AIG1: variants seen among roughly 807,000 people sequenced by gnomAD.
AIG1 encodes the protein androgen-induced gene 1 protein.
A neutral mutation model predicts 31.4 loss-of-function variants in AIG1; 23 were observed. The observed-to-expected ratio is 0.73, with a 90% CI of 0.53 to 1.04. The LOEUF is 1.04. AIG1 is among the 50% of genes least tolerant of loss of function. The pLI, the probability that AIG1 is intolerant of heterozygous loss-of-function variation, is 0.00. For synonymous variants in AIG1, 100 were observed against 110.5 expected (o/e 0.90, Z 0.60); for missense variants, 274 against 295.0 (o/e 0.93, Z 0.52).
chr6:143,170,519 G>A (rs985321286), intron 3 of AIG1, among the ~76,000 whole-genome samples: 1 of 151,018 alleles, frequency 6.6e-6, no homozygotes, highest in Non-Finnish European at 1.5e-5. Flanking sequence ...ATTTATTTGA[G>A]TCTTCTCTCT....
chr6:143,280,713 G>T lies in AIG1; in HGVS notation c.400-3397G>T, dbSNP rs1379140456. Among the ~76,000 whole-genome samples, 3 of 152,162 alleles carry T rather than the reference G, an allele frequency of 2.0e-5. No individual in the cohort carries two copies. The highest frequency in any genetic ancestry group is 2.9e-5 in the Non-Finnish European group (2 of 68,030). ...AAAGAAGGAAATAACAGACACTGGG[G>T]TCTACTTGAGGGGGAGGTTGGGAGG... is the stretch of plus-strand genomic sequence containing the variant. On this transcript the variant is annotated intron_variant, in intron 3 of 5. Coordinates refer to ENST00000357847, the MANE Select transcript of AIG1 (RefSeq NM_016108.4). The surrounding 1 kb of genome is among the most constrained non-coding windows in gnomAD (Gnocchi z 4.1).
At chr6:143,080,082 A>G (rs1778085600) in intron 1 of AIG1, among the ~76,000 whole-genome samples, 1 of 152,172 alleles carries the variant, frequency 6.6e-6, no homozygotes, top group African/African-American at 2.4e-5. Flanking sequence ...AGCTAGGCCT[A>G]GGAATTCTTA....
At chr6:143,261,494 G>T (rs182504758) in intron 3 of AIG1, among the ~76,000 whole-genome samples, 3 of 152,210 alleles carry the variant, frequency 2.0e-5, no homozygotes, top group African/African-American at 7.2e-5. Context: ...GGGGAGGTGT[G>T]TGAATACTGG....
intron 3 of AIG1, among the ~76,000 whole-genome samples, chr6:143,196,751 T>A (rs1175685386): frequency 6.6e-6 from 1 of 152,150 alleles, no homozygotes; most frequent in Non-Finnish European, 1.5e-5. Context: ...AGCACACCCC[T>A]GACGTCTTTG....
At chr6:143,171,430 TAA>T (rs58434864) in intron 3 of AIG1, among the ~76,000 whole-genome samples, 11,383 of 115,074 alleles carry the variant, frequency 0.099, 907 homozygotes, top group East Asian at 0.38. Context: ...ATAATATATA[TAA>T]TATATATATA....
intron 3 of AIG1, among the ~76,000 whole-genome samples, chr6:143,276,313 A>G (rs1796900503): frequency 6.6e-6 from 1 of 152,200 alleles, no homozygotes; most frequent in African/African-American, 2.4e-5. Flanking sequence ...GTAAATTCCA[A>G]ATTTAGTCCT....
intron 3 of AIG1, among the ~76,000 whole-genome samples, chr6:143,238,527 T>C (rs1427977236): frequency 1.3e-5 from 2 of 152,204 alleles, no homozygotes. Context: ...AATCATAACT[T>C]GTCCTTTGGG....
chr6:143,265,874 G>A (rs144901280), intron 3 of AIG1, among the ~76,000 whole-genome samples: 10 of 152,220 alleles, frequency 6.6e-5, no homozygotes, highest in Non-Finnish European at 1.5e-4. Flanking sequence ...AACTGAAAAC[G>A]CTGTGTGCAC....
chr6:143,196,359 ACACACAC>A (rs1562481086), intron 3 of AIG1, among the ~76,000 whole-genome samples: 1 of 85,732 alleles, frequency 1.2e-5, no homozygotes, highest in Non-Finnish European at 2.9e-5. Flanking sequence ...CAACACACAC[ACACACAC>A]ACACACACAC....
At chr6:143,077,508 T>C (rs999849544) in intron 1 of AIG1, among the ~76,000 whole-genome samples, 1 of 152,248 alleles carries the variant, frequency 6.6e-6, no homozygotes, top group African/African-American at 2.4e-5. Flanking sequence ...ACTTAAAAGA[T>C]GTGTCACTGT....
At chr6:143,265,628 G>A (rs1053804832) in intron 3 of AIG1, among the ~76,000 whole-genome samples, 8 of 152,150 alleles carry the variant, frequency 5.3e-5, no homozygotes, top group African/African-American at 1.2e-4. Context: ...ATGTGCTAAA[G>A]CCTTTTTCCT....
chr6:143,184,575 T>G (rs993958560), intron 3 of AIG1, among the ~76,000 whole-genome samples: 8 of 152,170 alleles, frequency 5.3e-5, no homozygotes, highest in African/African-American at 1.9e-4. Flanking sequence ...AGGTGACAGA[T>G]CCTATCAGCT....
chr6:143,174,486 CAAA>C (rs71024844), intron 3 of AIG1, among the ~76,000 whole-genome samples: 1 of 59,658 alleles, frequency 1.7e-5, no homozygotes. Flanking sequence ...GACTCCGTCT[CAAA>C]AAAAAAAAAA....
intron 3 of AIG1, among the ~76,000 whole-genome samples, chr6:143,237,209 C>T (rs562218673): frequency 1.3e-5 from 2 of 152,300 alleles, no homozygotes; most frequent in South Asian, 2.1e-4. Flanking sequence ...TAGTGTCACA[C>T]ATCCATTAGC....
intron 3 of AIG1, among the ~76,000 whole-genome samples, chr6:143,269,779 A>T (rs1328900355): frequency 6.6e-6 from 1 of 152,244 alleles, no homozygotes; most frequent in African/African-American, 2.4e-5. Context: ...AAACTGATGT[A>T]TGGTGTTTGA....
chr6:143,191,460 C>T (rs1378347285), intron 3 of AIG1, among the ~76,000 whole-genome samples: 2 of 151,954 alleles, frequency 1.3e-5, no homozygotes, highest in East Asian at 1.9e-4. Flanking sequence ...AACTCAATTT[C>T]CTACAGAAAA....
chr6:143,083,127 G>A (rs1778427938), intron 1 of AIG1, among the ~76,000 whole-genome samples: 2 of 152,190 alleles, frequency 1.3e-5, no homozygotes, highest in South Asian at 4.1e-4. Flanking sequence ...GATAATTTTA[G>A]CCGTAAGTGT....
intron 1 of AIG1, among the ~76,000 whole-genome samples, chr6:143,092,815 T>C (rs1441510842): frequency 6.6e-6 from 1 of 152,114 alleles, no homozygotes; most frequent in Non-Finnish European, 1.5e-5. Context: ...TTTGAGAGTC[T>C]GAGGCGGGAG....
At chr6:143,088,391 G>T (rs1778994731) in intron 1 of AIG1, among the ~76,000 whole-genome samples, 1 of 152,096 alleles carries the variant, frequency 6.6e-6, no homozygotes, top group South Asian at 2.1e-4. Flanking sequence ...CTATGCCAGA[G>T]AAGATTACTT....
Sources: allele counts gnomAD v4.1 joint callset (sites outside exome capture counted in the v4.1 genomes callset), GRCh38; gene constraint gnomAD v4.1.1; non-coding constraint Gnocchi (gnomAD v3.1); transcripts MANE v1.5; gene names NCBI Gene and HGNC (gene_info 2026-07-23, HGNC 2026-07-21).